Variants in SBNO2 observed in about 807,000 individuals in gnomAD.
SBNO2 encodes strawberry notch homolog 2.
In SBNO2, 89 loss-of-function variants were observed where a neutral mutation model predicts 146.3. That is an observed-to-expected ratio of 0.61 (90% CI 0.51 to 0.73). The LOEUF (loss-of-function observed/expected upper bound fraction) is 0.73, where lower values mean the gene tolerates loss of function less well. SBNO2 is among the 30% of genes least tolerant of loss of function. The pLI is 0.00. For synonymous variants in SBNO2, 1,147 were observed against 892.6 expected, an observed-to-expected ratio of 1.29 and a Z score of -5.08; for missense variants, 2,092 against 2,003.7, an observed-to-expected ratio of 1.04 and a Z score of -0.84.
chr19:1,143,463 C>A (rs1320099064), intron 4 of SBNO2, among the ~76,000 whole-genome samples: 1 of 152,116 alleles, frequency 6.6e-6, no homozygotes, highest in Non-Finnish European at 1.5e-5. Flanking sequence ...CAGAGCCAGA[C>A]CCTGTCTCTA....
chr19:1,109,252 C>A lies in SBNO2; in HGVS notation c.3348+40G>T. The A allele has an allele frequency of 6.3e-7, 1 of 1,575,720 alleles. No homozygotes were observed. ...CGCATGAGCCTGGGCGGGGTCAGGG[C>A]CGGCAACCCGAGCGAAAGCTGCGCC... is the stretch of plus-strand genomic sequence containing the variant. On this transcript the variant is annotated intron_variant, in intron 29 of 31. Transcript: ENST00000361757. This position sits in a 1 kb window ranked among gnomAD's most constrained non-coding sequence, Gnocchi z 4.2.
rs763650501 is a variant in SBNO2 at position 1,116,111 on chromosome 19, T to C, written c.1803-8A>G. The C allele has an allele frequency of 3.1e-6, 5 of 1,603,324 alleles. No homozygotes were observed. The South Asian group carries it at 4.4e-5, about 14-fold the overall frequency. On this transcript the variant is annotated splice_polypyrimidine_tract_variant and splice_region_variant and intron_variant, in intron 16 of 31. Coordinates refer to ENST00000361757, the MANE Select transcript of SBNO2 (RefSeq NM_014963.3). ...AGCGACAGGAACACGCCTCTGAAAG[T>C]GAGACGCGGAGTTTATTCTCACACG...
At chr19:1,151,855 A>G (rs370715141) in intron 2 of SBNO2, among the ~76,000 whole-genome samples, 61 of 152,094 alleles carry the variant, frequency 4.0e-4, no homozygotes, top group African/African-American at 1.0e-3. Context: ...TAGAGATGGG[A>G]TTTCATCATG....
At chr19:1,137,084 C>G (rs112727047) in intron 4 of SBNO2, among the ~76,000 whole-genome samples, 4 of 149,072 alleles carry the variant, frequency 2.7e-5, no homozygotes, top group Non-Finnish European at 4.5e-5. Context: ...GCACCCCCAC[C>G]CCAGGAACAG....
intron 4 of SBNO2, chr19:1,128,344 G>T (rs2079991167): frequency 2.5e-5 from 9 of 361,656 alleles, no homozygotes; most frequent in South Asian, 1.8e-4. Flanking sequence ...TCGCCATGGG[G>T]ATGACACACA....
intron 2 of SBNO2, among the ~76,000 whole-genome samples, chr19:1,152,966 A>G (rs2080256189): frequency 6.6e-6 from 1 of 152,010 alleles, no homozygotes; most frequent in South Asian, 2.1e-4. Flanking sequence ...CAGCGTGTCC[A>G]ACGGGGCAAA....
rs2080221986 is a variant in SBNO2 at position 1,149,383 on chromosome 19, G to C, written c.153C>G (p.Phe51Leu). The C allele has an allele frequency of 6.4e-7, 1 of 1,552,932 alleles. No homozygotes were observed. The highest frequency in any genetic ancestry group is 1.2e-5 in the South Asian group (1 of 84,188). Reference protein sequence around the residue: ...NTFSLPPYPAFSSDSRPFMSS... With the variant: ...NTFSLPPYPALSSDSRPFMSS... ...CCGGTACTCACCGGCTGTCGCTGGAGAAGGCAGGGTATGGCGGCAGCGAGA... is the reference window on the plus strand; with the variant it reads ...CCGGTACTCACCGGCTGTCGCTGGACAAGGCAGGGTATGGCGGCAGCGAGA... Residue 51 changes from phenylalanine to leucine, a missense_variant, in exon 3 of 32, where the codon TTC (phenylalanine) becomes TTG (leucine). Transcript: ENST00000361757.
chr19:1,149,393 T>C lies in SBNO2; in HGVS notation c.143A>G (p.Tyr48Cys), dbSNP rs574535610. 1.3e-6 allele frequency: 2 copies of C among 1,551,946 alleles called. No individual in the cohort carries two copies. Among genetic ancestry groups the C allele is most frequent in the Non-Finnish European group, 1.7e-6 (2 of 1,148,144 alleles). The stretch of plus-strand genomic sequence containing the variant: ...CCGGCTGTCGCTGGAGAAGGCAGGG[T>C]ATGGCGGCAGCGAGAAGGTGTTCCA... ...PYWNTFSLPP[Y>C]PAFSSDSRPF... The change falls in exon 3 of 32, where the codon TAC becomes TGC. Residue 48 changes from tyrosine (Y) to cysteine (C), a missense_variant. By Grantham distance (194) the Tyr-to-Cys change is radical. Coordinates refer to ENST00000361757, the MANE Select transcript of SBNO2 (RefSeq NM_014963.3).
intron 4 of SBNO2, among the ~76,000 whole-genome samples, chr19:1,134,187 G>GGGTGGACTCACAGCTCACA (rs1236375645): frequency 8.3e-6 from 1 of 120,808 alleles, no homozygotes; most frequent in African/African-American, 3.6e-5. Flanking sequence ...CACAGCTCAC[G>GGGTGGACTCACAGCTCACA]GGTGGACTCA....
In SBNO2 at chr19:1,112,584, CCAGCGTTGCCGCCA is replaced by C. The variant is rs1349735147; in HGVS notation, c.2380-61_2380-48del. On this transcript the variant is annotated intron_variant, in intron 20 of 31. Transcript: ENST00000361757. This position sits in a 1 kb window ranked among gnomAD's most constrained non-coding sequence, Gnocchi z 5.9. ...GGACACGGTTGGTGCAAGGCCCGCC[CCAGCGTTGCCGCCA>C]CCTCCTCACCCACTAGGCCCCCGCT... 1.3e-6 allele frequency: 2 copies of C among 1,529,986 alleles called. No individual in the cohort carries two copies. Among genetic ancestry groups the C allele is most frequent in the African/African-American group, 2.7e-5 (2 of 73,200 alleles). The allele number at this position is 1,529,986 out of a possible 1,614,324, so 94.8% of individuals were successfully genotyped here.
At chr19:1,111,288 A>AAG (rs1269367846) in intron 24 of SBNO2, among the ~76,000 whole-genome samples, 195 bp from the exon 25 acceptor site, 1 of 152,118 alleles carries the variant, frequency 6.6e-6, no homozygotes. Context: ...TGGGGAGTAA[A>AAG]CCCAAACCCC....
rs1447931314 is a variant in SBNO2, at chr19:1,136,946, G to A, written c.280-9181C>T. On this transcript the variant is annotated intron_variant, in intron 4 of 31. Coordinates refer to ENST00000361757, the MANE Select transcript of SBNO2 (RefSeq NM_014963.3). This position sits in a 1 kb window ranked among gnomAD's most constrained non-coding sequence, Gnocchi z 4.2. ...GGATGGATGCCCGGCAGGTGGAGAG[G>A]TCCTCACAGGACAGGTGGTGGGCAA... Among the ~76,000 whole-genome samples the A allele has an allele frequency of 6.6e-6, 1 of 151,646 alleles. No individual in the cohort carries two copies. The highest frequency in any genetic ancestry group is 2.4e-5 in the African/African-American group (1 of 41,208).
Position 1,112,222 on chromosome 19 carries a change from G to C in SBNO2, c.2595C>G (p.Phe865Leu). Residue 865 changes from phenylalanine (F) to leucine (L), a missense_variant, in exon 22 of 32, where the codon TTC becomes TTG. Physicochemically the swap from Phe to Leu is conservative, Grantham distance 22. Transcript: ENST00000361757. The surrounding 1 kb of genome is among the most constrained non-coding windows in gnomAD (Gnocchi z 5.9). ...CCAGGCGCTTGGCCACGATGGAGGC[G>C]AACCGGCGCTCCCCGGCCAGCTCCG... ...LISELAGERR[F>L]ASIVAKRLES... is the part of the protein sequence containing the mutation. 1 of 1,590,568 alleles carries C rather than the reference G, an allele frequency of 6.3e-7. No individual in the cohort carries two copies. The highest frequency in any genetic ancestry group is 1.8e-5 in the Admixed American group (1 of 56,564).
intron 11 of SBNO2, 78 bp from the exon 12 acceptor site, chr19:1,120,101 C>T (rs1306927232): frequency 9.1e-6 from 11 of 1,203,776 alleles, no homozygotes; most frequent in Admixed American, 4.3e-5. Flanking sequence ...CACCCAAGAC[C>T]CCACCTTCCT....
intron 1 of SBNO2, among the ~76,000 whole-genome samples, chr19:1,170,014 C>T (rs2080462481): frequency 1.3e-5 from 2 of 152,238 alleles, no homozygotes; most frequent in Admixed American, 6.5e-5. Flanking sequence ...ACGTCTACCC[C>T]CCATCTGTGG....
intron 16 of SBNO2, among the ~76,000 whole-genome samples, chr19:1,116,376 G>T (rs974353659): frequency 6.6e-6 from 1 of 151,680 alleles, no homozygotes; most frequent in African/African-American, 2.4e-5. Context: ...CCAGGACAGG[G>T]GCAGGGGGCA....
At position 1,116,871 on chromosome 19, in the gene SBNO2, C is replaced by A; in HGVS notation, c.1760G>T (p.Gly587Val). 2 of 1,589,656 alleles carry A rather than the reference C, an allele frequency of 1.3e-6. No homozygotes were observed. The highest frequency in any genetic ancestry group is 2.3e-5 in the East Asian group (1 of 43,844). ...GCAGTTGAGGTGCCCATCGTTCTCC[C>A]CCAGCACCTCCCGCGTGCGCGCCTC... ...TGEARTREVL[G>V]ENDGHLNCFV... Residue 587 changes from glycine (G) to valine (V), a missense_variant, in exon 16 of 32, where the codon GGG becomes GTG. Physicochemically the swap from Gly to Val is moderately radical, Grantham distance 109 (BLOSUM62 -3). Transcript: ENST00000361757.
In SBNO2 at chr19:1,122,744, G is replaced by C. The variant is rs764944473; in HGVS notation, c.828C>G (p.Ile276Met). 2.0e-6 allele frequency: 3 copies of C among 1,537,324 alleles called. No individual in the cohort carries two copies. Among genetic ancestry groups the C allele is most frequent in the Non-Finnish European group, 2.6e-6 (3 of 1,146,520 alleles). ...LPSGQRAGFL[I>M]GDGAGVGKGR... Reference sequence around the variant, plus strand: ...CTTTGCCCACGCCGGCCCCATCGCCGATGAGAAAGCCCGCGCGCTGCCCGC... The same window carrying C: ...CTTTGCCCACGCCGGCCCCATCGCCCATGAGAAAGCCCGCGCGCTGCCCGC... Residue 276 changes from isoleucine to methionine, a missense_variant, in exon 9 of 32, where the codon ATC (isoleucine) becomes ATG (methionine). Transcript: ENST00000361757.
At chr19:1,133,241 C>T (rs1020296270) in intron 4 of SBNO2, among the ~76,000 whole-genome samples, 7 of 152,128 alleles carry the variant, frequency 4.6e-5, no homozygotes, top group African/African-American at 1.7e-4. Context: ...GCCGAGACCG[C>T]GCAGGTGGCC....
Sources: allele counts gnomAD v4.1 joint callset (sites outside exome capture counted in the v4.1 genomes callset), GRCh38; gene constraint gnomAD v4.1.1; non-coding constraint Gnocchi (gnomAD v3.1); transcripts MANE v1.5; gene names NCBI Gene and HGNC (gene_info 2026-07-23, HGNC 2026-07-21).